Variants in ODF2 observed in about 807,000 individuals in gnomAD.
ODF2 encodes the protein outer dense fiber protein 2.
In ODF2, 47 loss-of-function variants were observed where a neutral mutation model predicts 110.2. That is an observed-to-expected ratio of 0.43 (90% CI 0.34 to 0.54). The LOEUF (loss-of-function observed/expected upper bound fraction) is 0.54, where lower values mean the gene tolerates loss of function less well. Ranked by LOEUF, ODF2 falls within the 20% of genes least tolerant of loss-of-function variation. ODF2 has a pLI of 0.03. For synonymous variants in ODF2, 352 were observed against 397.7 expected, an observed-to-expected ratio of 0.89 and a Z score of 1.37; for missense variants, 812 against 1,054.5, an observed-to-expected ratio of 0.77 and a Z score of 3.19.
exon 2 of ODF2, chr9:128,457,317 G>A (rs1835152553): frequency 6.2e-7 from 1 of 1,609,834 alleles, no homozygotes; most frequent in Non-Finnish European, 8.5e-7. Context: ...GGCCCCTTGA[G>A]AGGCTCATTG....
exon 4 of ODF2, chr9:128,461,027 C>T (rs762762047): frequency 1.2e-6 from 2 of 1,614,156 alleles, no homozygotes; most frequent in African/African-American, 1.3e-5. Flanking sequence ...TGGATGCCCC[C>T]TGGAAAATCA....
rs564385067 is a variant in ODF2, at chr9:128,464,473, A to C, written c.249+3406A>C. On this transcript the variant is annotated intron_variant, in intron 4 of 20. Transcript: ENST00000604420. ...CCAGCCCAAAAATGCCTTTTAAAAA[A>C]ATAAAAAGCCTTGGTAGTTTGGGTT... 4.0e-5 allele frequency among the ~76,000 whole-genome samples: 6 copies of C among 150,202 alleles called. No homozygotes were observed. In the South Asian group the frequency reaches 1.3e-3, roughly 32 times the overall value.
intron 14 of ODF2, 49 bp downstream of exon 14, chr9:128,488,074 C>T (rs1010671404): frequency 6.2e-7 from 1 of 1,608,570 alleles, no homozygotes; most frequent in Non-Finnish European, 8.5e-7. Flanking sequence ...GCCCAGCGAG[C>T]TGATGAGGGG....
intron 13 of ODF2, among the ~76,000 whole-genome samples, chr9:128,486,726 T>G (rs1843428415): frequency 6.6e-6 from 1 of 152,090 alleles, no homozygotes; most frequent in Non-Finnish European, 1.5e-5. Flanking sequence ...TTGGCGTCTT[T>G]CTATTTGTGC....
intron 17 of ODF2, among the ~76,000 whole-genome samples, chr9:128,495,178 C>T (rs957731384): frequency 6.6e-6 from 1 of 152,248 alleles, no homozygotes; most frequent in African/African-American, 2.4e-5. Context: ...TTATATACCA[C>T]TCATTTGCAG....
chr9:128,466,584 C>T (rs1420135392), intron 4 of ODF2, among the ~76,000 whole-genome samples: 2 of 151,528 alleles, frequency 1.3e-5, no homozygotes, highest in Non-Finnish European at 2.9e-5. Context: ...TAGAAGCTGC[C>T]CCTGGCTTTT....
intron 4 of ODF2, among the ~76,000 whole-genome samples, chr9:128,466,280 ATG>A (rs959849607): frequency 6.6e-6 from 1 of 152,010 alleles, no homozygotes; most frequent in Admixed American, 6.6e-5. Context: ...AGCTTGGACA[ATG>A]TGACGAAACC....
At chr9:128,499,755 G>A (rs1012076924) in intron 20 of ODF2, among the ~76,000 whole-genome samples, 8 of 152,138 alleles carry the variant, frequency 5.3e-5, no homozygotes, top group East Asian at 1.9e-4. Context: ...GACTACAGGC[G>A]CACACCATCA....
chr9:128,499,922 C>T, intron 20 of ODF2, 145 bp from the exon 21 acceptor site: 1 of 734,254 alleles, frequency 1.4e-6, no homozygotes, highest in Non-Finnish European at 2.2e-6. Context: ...AGAATATTTT[C>T]AGAAAGAAAC....
chr9:128,477,399 T>C (rs927764418), intron 8 of ODF2, among the ~76,000 whole-genome samples: 1 of 151,038 alleles, frequency 6.6e-6, no homozygotes, highest in Non-Finnish European at 1.5e-5. Flanking sequence ...ACATTTTAAA[T>C]TTAGCCAGGT....
intron 18 of ODF2, chr9:128,497,444 AAAATATATATATATATATATATATATAT>A (rs1845795235): frequency 5.5e-5 from 4 of 72,256 alleles, no homozygotes; most frequent in East Asian, 9.6e-4. Flanking sequence ...AAAAAAAAAA[AAAATATATATATATATATATATATATAT>A]ATATATATAT....
At chr9:128,471,389 G>A (rs1839964047) in exon 6 of ODF2, 1 of 1,613,418 alleles carries the variant, frequency 6.2e-7, no homozygotes, top group Non-Finnish European at 8.5e-7. Flanking sequence ...GGTGGCCCAC[G>A]AACTGGCTGA....
intron 8 of ODF2, among the ~76,000 whole-genome samples, chr9:128,481,122 T>G (rs1842313254): frequency 6.6e-6 from 1 of 152,108 alleles, no homozygotes; most frequent in African/African-American, 2.4e-5. Flanking sequence ...GTAGCTTTAT[T>G]AGCATTCACT....
intron 20 of ODF2, 45 bp downstream of exon 20, chr9:128,499,171 C>G: frequency 6.2e-7 from 1 of 1,610,858 alleles, no homozygotes; most frequent in African/African-American, 1.3e-5. Context: ...GGCAGCAGAC[C>G]TAGCTTCTGT....
At chr9:128,483,045 G>A (rs572984073) in intron 10 of ODF2, among the ~76,000 whole-genome samples, 158 bp downstream of exon 10, 7 of 152,022 alleles carry the variant, frequency 4.6e-5, no homozygotes, top group African/African-American at 1.2e-4. Context: ...ACAGGCGTGC[G>A]CCACCACGCC....
chr9:128,472,940 G>A (rs1840391124), exon 7 of ODF2: 2 of 1,614,022 alleles, frequency 1.2e-6, no homozygotes, highest in African/African-American at 1.3e-5. Flanking sequence ...TACAACAGGA[G>A]AAGGAGTGCC....
chr9:128,461,175 G>A, intron 4 of ODF2, 108 bp downstream of exon 4: 1 of 1,401,904 alleles, frequency 7.1e-7, no homozygotes, highest in East Asian at 2.5e-5. Flanking sequence ...TGTCCTAACA[G>A]ACCCCATTTA....
intron 5 of ODF2, 109 bp downstream of exon 5, chr9:128,469,462 C>T: frequency 1.7e-6 from 2 of 1,180,558 alleles, no homozygotes; most frequent in Non-Finnish European, 2.5e-6. Flanking sequence ...CTTCAGGCCT[C>T]CTCTGCAGGG....
chr9:128,478,919 C>T (rs1841888547), intron 8 of ODF2, among the ~76,000 whole-genome samples: 1 of 152,152 alleles, frequency 6.6e-6, no homozygotes, highest in South Asian at 2.1e-4. Context: ...CTTCACTTCT[C>T]CCAGCCTTAG....
Sources: gnomAD v4.1 joint callset for allele counts (sites outside exome capture counted in the v4.1 genomes callset) on GRCh38, gnomAD v4.1.1 for gene constraint, MANE v1.5 for transcripts, NCBI Gene and HGNC (gene_info 2026-07-23, HGNC 2026-07-21) for gene names.